The following GRID1 variants were observed in gnomAD, a reference collection of about 807,000 sequenced individuals.
GRID1 encodes glutamate receptor ionotropic, delta-1.
Under a neutral mutation model 98.0 loss-of-function variants are expected in GRID1, and 28 were observed. The ratio of observed to expected loss-of-function variants is 0.29; its 90% CI spans 0.21 to 0.39. The LOEUF (loss-of-function observed/expected upper bound fraction) is 0.39. GRID1 is among the 10% of genes least tolerant of loss of function. The probability of loss-of-function intolerance (pLI) is 1.00; values close to 1 mark genes in which losing one functional copy is unlikely to be tolerated. For synonymous variants in GRID1, 553 were observed against 538.5 expected, an observed-to-expected ratio of 1.03 and a Z score of -0.37; for missense variants, 1,111 against 1,340.5, an observed-to-expected ratio of 0.83 and a Z score of 2.67.
At chr10:85,933,313 CTT>C (rs1841884219) in intron 4 of GRID1, among the ~76,000 whole-genome samples, 4 of 112,952 alleles carry the variant, frequency 3.5e-5, no homozygotes, top group Non-Finnish European at 5.4e-5. Context: ...AAAAAAAAAA[CTT>C]ATTTTAGATT....
chr10:86,211,411 C>A lies in GRID1; in HGVS notation c.236-4763G>T, dbSNP rs186249303. On this transcript the variant is annotated intron_variant, in intron 2 of 15. Coordinates refer to ENST00000327946, the MANE Select transcript of GRID1 (RefSeq NM_017551.3). ...CAAACTGTAATGAGCGGCTTCCAGC[C>A]CCCCCACCTGCACCCTGTGTCCTGG... Among the ~76,000 whole-genome samples the A allele has an allele frequency of 1.5e-3, 223 of 152,282 alleles. 1 individual carries two copies. Among genetic ancestry groups the A allele is most frequent in the Middle Eastern group, 0.01 (3 of 294 alleles).
At chr10:85,953,665 C>T (rs1025063228) in intron 4 of GRID1, among the ~76,000 whole-genome samples, 2 of 152,208 alleles carry the variant, frequency 1.3e-5, no homozygotes, top group African/African-American at 2.4e-5. Context: ...CCCCTCTCTG[C>T]TGCTTCAGCC....
intron 8 of GRID1, among the ~76,000 whole-genome samples, chr10:85,770,882 C>T (rs900227023): frequency 3.3e-5 from 5 of 152,150 alleles, no homozygotes; most frequent in Non-Finnish European, 5.9e-5. Flanking sequence ...GAGAATGGAA[C>T]CAAGATGGAA....
intron 4 of GRID1, among the ~76,000 whole-genome samples, chr10:86,133,433 A>C (rs183007253): frequency 6.6e-6 from 1 of 152,306 alleles, no homozygotes; most frequent in East Asian, 1.9e-4. Flanking sequence ...CTCCACTGCC[A>C]TGTGCCACAG....
At chr10:86,259,442 C>A (rs188261136) in intron 2 of GRID1, among the ~76,000 whole-genome samples, 2 of 152,294 alleles carry the variant, frequency 1.3e-5, no homozygotes, top group Admixed American at 6.5e-5. Context: ...TTGAATGTCT[C>A]TGAATTATTA....
chr10:85,772,793 T>C (rs1173613596), intron 8 of GRID1, among the ~76,000 whole-genome samples: 1 of 152,206 alleles, frequency 6.6e-6, no homozygotes, highest in Non-Finnish European at 1.5e-5. Flanking sequence ...AATCTCTGAA[T>C]AGACCAATAG....
intron 8 of GRID1, among the ~76,000 whole-genome samples, chr10:85,735,914 AGAAG>A (rs1273751460): frequency 2.1e-5 from 3 of 141,618 alleles, no homozygotes; most frequent in Non-Finnish European, 4.6e-5. Context: ...AGGAAGCAAG[AGAAG>A]GAAGGAAGGA....
chr10:86,238,167 G>C (rs148992133), intron 2 of GRID1, among the ~76,000 whole-genome samples: 4 of 152,218 alleles, frequency 2.6e-5, no homozygotes, highest in African/African-American at 9.6e-5. Context: ...ATGTAAAGAG[G>C]AGCCAAATGT....
intron 2 of GRID1, among the ~76,000 whole-genome samples, chr10:86,211,333 G>A (rs778975757): frequency 2.0e-4 from 30 of 152,212 alleles, no homozygotes; most frequent in Non-Finnish European, 3.2e-4. Flanking sequence ...TTGATGGACT[G>A]ATAAGGGCCC....
chr10:86,353,188 G>A (rs148980599), intron 2 of GRID1, among the ~76,000 whole-genome samples: 13 of 152,272 alleles, frequency 8.5e-5, no homozygotes, highest in Non-Finnish European at 1.5e-4. Context: ...AGACGTCACC[G>A]ACAAGTCAAA....
intron 5 of GRID1, among the ~76,000 whole-genome samples, chr10:85,914,589 G>A (rs1841585947): frequency 6.6e-6 from 1 of 152,158 alleles, no homozygotes; most frequent in Non-Finnish European, 1.5e-5. Flanking sequence ...GCCCTCTGTG[G>A]ACATGGAGCT....
At position 86,138,857 on chromosome 10, in the gene GRID1, G is replaced by T; in HGVS notation, c.688C>A (p.Leu230Met). 1 of 1,614,222 alleles carries T rather than the reference G, an allele frequency of 6.2e-7. No individual in the cohort carries two copies. Among genetic ancestry groups the T allele is most frequent in the African/African-American group, 1.3e-5 (1 of 75,056 alleles). ...GAGTGGGCTCCCTGTGGGCTGAGCAGCAGGATGGCGCGGCGAAGCGTGTCC... is the reference window on the plus strand; with the variant it reads ...GAGTGGGCTCCCTGTGGGCTGAGCATCAGGATGGCGCGGCGAAGCGTGTCC... ...YRDTLRRAILLLSPQGAHSFI... is the reference protein window; with the variant it reads ...YRDTLRRAILMLSPQGAHSFI... The change falls in exon 4 of 16, where the codon CTG becomes ATG. Residue 230 changes from leucine to methionine, a missense_variant. Physicochemically the swap from Leu to Met is conservative, Grantham distance 15. This residue lies in a region of GRID1 where 346 missense variants were observed against 452.3 expected (regional missense o/e 0.76). Coordinates refer to ENST00000327946, the MANE Select transcript of GRID1 (RefSeq NM_017551.3).
At chr10:86,156,127 C>T (rs1845242520) in intron 3 of GRID1, among the ~76,000 whole-genome samples, 2 of 152,188 alleles carry the variant, frequency 1.3e-5, no homozygotes, top group South Asian at 4.1e-4. Context: ...CAAAAGAATG[C>T]CTGGCCTCTA....
intron 4 of GRID1, among the ~76,000 whole-genome samples, chr10:86,124,134 T>C (rs1844717470): frequency 6.6e-6 from 1 of 152,224 alleles, no homozygotes; most frequent in Non-Finnish European, 1.5e-5. Flanking sequence ...GTCCCTGAGC[T>C]GCTTCCCATG....
rs995044481 is a variant in GRID1 at position 85,882,278 on chromosome 10, T to C, written c.781-13098A>G. The stretch of plus-strand genomic sequence containing the variant: ...CCCAGCCATCCCATTACTGGATATA[T>C]ACCCAAAGGATTATAAATCATGCTG... On this transcript the variant is annotated intron_variant, in intron 5 of 15. Transcript: ENST00000327946. 5.9e-5 allele frequency among the ~76,000 whole-genome samples: 9 copies of C among 152,182 alleles called. No homozygotes were observed. The South Asian group carries it at 8.3e-4, about 14-fold the overall frequency.
rs1843286946 is a variant in GRID1, at chr10:85,652,609, T to C, written c.1998-5212A>G. On this transcript the variant is annotated intron_variant, in intron 12 of 15. Coordinates refer to ENST00000327946, the MANE Select transcript of GRID1 (RefSeq NM_017551.3). ...ACTATCATTCCAGCAGTCTTGATTT[T>C]CTATCTCATGTTTGGCTCTACAAGA... 2.0e-5 allele frequency among the ~76,000 whole-genome samples: 3 copies of C among 152,208 alleles called. 1 individual carries two copies. The highest frequency in any genetic ancestry group is 1.3e-4 in the Admixed American group (2 of 15,288).
intron 2 of GRID1, among the ~76,000 whole-genome samples, chr10:86,301,342 C>A (rs967081120): frequency 1.3e-5 from 2 of 152,266 alleles, no homozygotes; most frequent in African/African-American, 4.8e-5. Context: ...CTATCTTTGC[C>A]ACTGACACCC....
chr10:85,692,431 G>A (rs1307397673), intron 12 of GRID1, among the ~76,000 whole-genome samples: 2 of 152,178 alleles, frequency 1.3e-5, no homozygotes, highest in Non-Finnish European at 2.9e-5. Flanking sequence ...GGAGGCTGAG[G>A]TGGGTGGATT....
At chr10:86,012,630 G>A (rs907501939) in intron 4 of GRID1, among the ~76,000 whole-genome samples, 5 of 152,200 alleles carry the variant, frequency 3.3e-5, no homozygotes, top group African/African-American at 1.2e-4. Flanking sequence ...CCTCCAGGGC[G>A]ATGGTATTAA....
Sources: gnomAD v4.1 joint callset for allele counts (sites outside exome capture counted in the v4.1 genomes callset) on GRCh38, gnomAD v4.1.1 for gene constraint, gnomAD v4.1.1 regional missense constraint, MANE v1.5 for transcripts, NCBI Gene and HGNC (gene_info 2026-07-23, HGNC 2026-07-21) for gene names.